Variants in PNPT1 observed in about 807,000 individuals in gnomAD.
PNPT1 encodes polyribonucleotide nucleotidyltransferase 1, also known as polyribonucleotide nucleotidyltransferase 1, mitochondrial.
Under a neutral mutation model 119.5 loss-of-function variants are expected in PNPT1, and 53 were observed. The ratio of observed to expected loss-of-function variants is 0.44; its 90% CI spans 0.36 to 0.56. The LOEUF (loss-of-function observed/expected upper bound fraction) is 0.56. PNPT1 is among the 20% of genes least tolerant of loss of function. The pLI is 0.00. For missense variants in PNPT1, 948 were observed against 938.5 expected (o/e 1.01, Z -0.13); for synonymous variants, 357 against 322.1 (o/e 1.11, Z -1.16).
At chr2:55,657,117 T>C (rs2627766) in intron 15 of PNPT1, among the ~76,000 whole-genome samples, 1 of 151,828 alleles carries the variant, frequency 6.6e-6, no homozygotes, top group African/African-American at 2.4e-5. Flanking sequence ...TCACTTGAGC[T>C]CAGGAGTTTG....
intron 2 of PNPT1, among the ~76,000 whole-genome samples, chr2:55,687,341 G>A (rs1169931247): frequency 1.3e-5 from 2 of 152,056 alleles, no homozygotes; most frequent in Non-Finnish European, 2.9e-5. Context: ...TCGGGAGGCT[G>A]AGGCAAAAGA....
intron 8 of PNPT1, among the ~76,000 whole-genome samples, chr2:55,673,494 G>A (rs1696975754): frequency 6.7e-6 from 1 of 148,706 alleles, no homozygotes; most frequent in African/African-American, 2.5e-5. Flanking sequence ...TGTTGACCAC[G>A]CTGGAGTGCA....
rs375710858 is a variant in PNPT1, at chr2:55,672,924, G to T, written c.835C>A (p.Pro279Thr). 5 of 1,607,262 alleles carry T rather than the reference G, an allele frequency of 3.1e-6. No homozygotes were observed. Among genetic ancestry groups the T allele is most frequent in the African/African-American group, 1.3e-5 (1 of 74,480 alleles). ...TKRTPQKLFT[P>T]SPEIVKYTHK... ...GTATATTTCACAATCTCTGGCGAAG[G>T]GGTAAATAACTTCTGAGGTGTCCTC... is the stretch of plus-strand genomic sequence containing the variant. Residue 279 changes from proline to threonine, a missense_variant, in exon 9 of 28, where the codon CCT (proline) becomes ACT (threonine). Coordinates refer to ENST00000447944, the MANE Select transcript of PNPT1 (RefSeq NM_033109.5).
chr2:55,661,524 C>T (rs1696576357), intron 14 of PNPT1, among the ~76,000 whole-genome samples: 1 of 152,132 alleles, frequency 6.6e-6, no homozygotes, highest in African/African-American at 2.4e-5. Flanking sequence ...TTTCTGAACA[C>T]AAAATCACAA....
chr2:55,677,115 A>G (rs972065718), intron 8 of PNPT1, among the ~76,000 whole-genome samples: 1 of 152,178 alleles, frequency 6.6e-6, no homozygotes, highest in East Asian at 1.9e-4. Context: ...GAGGCTGGTA[A>G]TTCCTAAAAA....
chr2:55,670,562 T>C (rs569383848), intron 11 of PNPT1, among the ~76,000 whole-genome samples: 2 of 152,334 alleles, frequency 1.3e-5, no homozygotes, highest in South Asian at 4.1e-4. Context: ...CTGTATCTTA[T>C]GATTCCACTA....
chr2:55,678,006 G>T (rs1240716949), intron 8 of PNPT1, among the ~76,000 whole-genome samples: 3 of 152,170 alleles, frequency 2.0e-5, no homozygotes, highest in African/African-American at 7.2e-5. Flanking sequence ...CTCCCAAAGT[G>T]CTGGGATTAC....
At chr2:55,647,251 A>G in intron 19 of PNPT1, 96 bp downstream of exon 19, 1 of 1,002,198 alleles carries the variant, frequency 1.0e-6, no homozygotes, top group Non-Finnish European at 1.5e-6. Context: ...TGCAAAGTAC[A>G]TATAGTCTTC....
chr2:55,638,303 GAAA>G (rs34343270), intron 26 of PNPT1, among the ~76,000 whole-genome samples: 1 of 139,326 alleles, frequency 7.2e-6, no homozygotes, highest in Admixed American at 7.2e-5. Flanking sequence ...CTCTGTCTCA[GAAA>G]AAAAAAAAAA....
intron 25 of PNPT1, among the ~76,000 whole-genome samples, chr2:55,642,605 CAAAAAAAAAAAAAAA>C (rs559417017): frequency 2.7e-4 from 12 of 44,224 alleles, no homozygotes; most frequent in Admixed American, 1.3e-3. Flanking sequence ...GACTCTGTCC[CAAAAAAAAAAAAAAA>C]AAAAAAAAAG....
At chr2:55,652,333 C>A (rs1696237060) in intron 18 of PNPT1, among the ~76,000 whole-genome samples, 2 of 152,326 alleles carry the variant, frequency 1.3e-5, no homozygotes, top group South Asian at 4.1e-4. Context: ...GCCCATCCCA[C>A]AGGACTTGAC....
rs769946357 is a variant in PNPT1 at position 55,693,644 on chromosome 2, A to G, written c.161+19T>C. ...CAAGACACCTTATGACAATACAGTG[A>G]ACGCACGTCACTCCTTACCTGTTGC... On this transcript the variant is annotated intron_variant, in intron 1 of 27. Transcript: ENST00000447944. The G allele has an allele frequency of 6.2e-7, 1 of 1,613,642 alleles. No homozygotes were observed. The highest frequency in any genetic ancestry group is 8.5e-7 in the Non-Finnish European group (1 of 1,179,728).
At chr2:55,666,842 A>C (rs1162120819) in intron 13 of PNPT1, 149 bp downstream of exon 13, 3 of 547,738 alleles carry the variant, frequency 5.5e-6, no homozygotes, top group East Asian at 6.8e-5. Context: ...ACCTGTCTCA[A>C]ACAAAACAAA....
At chr2:55,646,052 T>C (rs1051225818) in intron 21 of PNPT1, among the ~76,000 whole-genome samples, 4 of 152,132 alleles carry the variant, frequency 2.6e-5, no homozygotes, top group Non-Finnish European at 4.4e-5. Context: ...GGTCTCGAAC[T>C]CCTGACCTGA....
intron 1 of PNPT1, among the ~76,000 whole-genome samples, chr2:55,691,008 C>G (rs767474254): frequency 6.6e-6 from 1 of 152,214 alleles, no homozygotes; most frequent in African/African-American, 2.4e-5. Flanking sequence ...TAACATGCCA[C>G]CAGTACTTCT....
chr2:55,663,437 G>A (rs1388190631), intron 13 of PNPT1, among the ~76,000 whole-genome samples: 1 of 152,032 alleles, frequency 6.6e-6, no homozygotes, highest in African/African-American at 2.4e-5. Context: ...GAGAGAGAAT[G>A]AGGCATGAAA....
intron 18 of PNPT1, among the ~76,000 whole-genome samples, chr2:55,651,057 G>A (rs1343681295): frequency 1.4e-5 from 2 of 143,472 alleles, no homozygotes; most frequent in African/African-American, 2.6e-5. Flanking sequence ...CGGCCGCCCC[G>A]TCCAGGAGGG....
chr2:55,645,013 A>C, intron 22 of PNPT1: 1 of 297,554 alleles, frequency 3.4e-6, no homozygotes, highest in Non-Finnish European at 6.1e-6. Flanking sequence ...TCTTACCATG[A>C]TCACTAAAAT....
intron 18 of PNPT1, among the ~76,000 whole-genome samples, chr2:55,653,948 G>A: frequency 6.6e-6 from 1 of 152,026 alleles, no homozygotes; most frequent in East Asian, 1.9e-4. Flanking sequence ...TGACAGTTTG[G>A]CACGAATTGG....
Sources: allele counts gnomAD v4.1 joint callset (sites outside exome capture counted in the v4.1 genomes callset), GRCh38; gene constraint gnomAD v4.1.1; transcripts MANE v1.5; gene names NCBI Gene and HGNC (gene_info 2026-07-23, HGNC 2026-07-21).